Variants in PCDH7 observed in about 807,000 individuals in gnomAD.
PCDH7 encodes the protein protocadherin 7.
In PCDH7, 17 loss-of-function variants were observed where a neutral mutation model predicts 58.9. The observed-to-expected ratio is 0.29, with a 90% confidence interval of 0.20 to 0.43. PCDH7 has a LOEUF of 0.43. Among genes scored for constraint, PCDH7 ranks in the 20% least tolerant of loss-of-function variants. The pLI is 1.00. For missense variants in PCDH7, 1,274 were observed against 1,441.0 expected (o/e 0.88, Z 1.88); for synonymous variants, 664 against 616.4 (o/e 1.08, Z -1.14).
At chr4:30,834,640 G>A (rs1900571) in intron 1 of PCDH7, among the ~76,000 whole-genome samples, 39,847 of 150,702 alleles carry the variant, frequency 0.26, 5,961 homozygotes, top group African/African-American at 0.41. Context: ...GTTCATTTCA[G>A]TTTTCAACTA....
chr4:30,744,276 A>G (rs895722760), intron 1 of PCDH7, among the ~76,000 whole-genome samples: 4 of 152,146 alleles, frequency 2.6e-5, no homozygotes, highest in African/African-American at 9.6e-5. Context: ...ACAAATTTAC[A>G]TTTTTAAAAA....
chr4:31,080,431 G>C (rs1759405886), intron 3 of PCDH7, among the ~76,000 whole-genome samples: 1 of 152,044 alleles, frequency 6.6e-6, no homozygotes, highest in African/African-American at 2.4e-5. Context: ...ATTTGTACCT[G>C]TGATTACAGA....
At chr4:30,945,550 T>G (rs1475033914) in intron 2 of PCDH7, among the ~76,000 whole-genome samples, 1 of 152,104 alleles carries the variant, frequency 6.6e-6, no homozygotes, top group Non-Finnish European at 1.5e-5. Context: ...TTCTTACTAA[T>G]TTTCAAAAAA....
intron 3 of PCDH7, among the ~76,000 whole-genome samples, chr4:31,106,321 G>A (rs2109306081): frequency 6.6e-6 from 1 of 152,242 alleles, no homozygotes; most frequent in South Asian, 2.1e-4. Context: ...AAGCGATTGT[G>A]CAAAAATTTC....
intron 3 of PCDH7, among the ~76,000 whole-genome samples, chr4:31,118,372 A>T (rs1465684066): frequency 6.6e-6 from 1 of 152,128 alleles, no homozygotes; most frequent in African/African-American, 2.4e-5. Context: ...CTTCTTGTGG[A>T]ATATTAAACA....
At chr4:31,055,876 C>T (rs1166942899) in intron 3 of PCDH7, among the ~76,000 whole-genome samples, 3 of 152,106 alleles carry the variant, frequency 2.0e-5, no homozygotes, top group Non-Finnish European at 4.4e-5. Context: ...GCACCTGCAC[C>T]CAGCCATATA....
At chr4:31,066,039 G>A (rs1486239836) in intron 3 of PCDH7, among the ~76,000 whole-genome samples, 1 of 151,796 alleles carries the variant, frequency 6.6e-6, no homozygotes, top group Non-Finnish European at 1.5e-5. Flanking sequence ...TCATATATAA[G>A]TGTTCCTTCT....
At chr4:30,765,721 G>A (rs757911349) in intron 1 of PCDH7, among the ~76,000 whole-genome samples, 1 of 152,198 alleles carries the variant, frequency 6.6e-6, no homozygotes, top group Admixed American at 6.5e-5. Context: ...TATTTACTGT[G>A]TTCTCTGATG....
intron 3 of PCDH7, among the ~76,000 whole-genome samples, chr4:31,005,868 G>A (rs1752730322): frequency 6.6e-6 from 1 of 152,112 alleles, no homozygotes; most frequent in African/African-American, 2.4e-5. Context: ...TCATTTGGAT[G>A]GTGCTGATAC....
chr4:30,724,728 A>T (rs548659333), intron 1 of PCDH7, 132 bp downstream of exon 1: 27 of 1,449,712 alleles, frequency 1.9e-5, no homozygotes, highest in East Asian at 2.5e-5. Flanking sequence ...TTTAATGTTA[A>T]TTTTTGCACC....
intron 1 of PCDH7, among the ~76,000 whole-genome samples, chr4:30,882,932 T>A (rs1487201662): frequency 6.6e-6 from 1 of 152,246 alleles, no homozygotes; most frequent in Non-Finnish European, 1.5e-5. Flanking sequence ...CTTGAGACTC[T>A]TATTGACCCA....
intron 1 of PCDH7, among the ~76,000 whole-genome samples, chr4:30,771,106 A>G (rs1721344295): frequency 6.6e-6 from 1 of 152,226 alleles, no homozygotes; most frequent in Non-Finnish European, 1.5e-5. Context: ...AGTGTTCTAA[A>G]CAGGAAATAA....
intron 3 of PCDH7, among the ~76,000 whole-genome samples, chr4:31,074,654 C>CATGCTTGT (rs1373690615): frequency 1.3e-5 from 2 of 151,456 alleles, no homozygotes; most frequent in Admixed American, 1.3e-4. Context: ...CATGGTGGCA[C>CATGCTTGT]ATGCTTGTAT....
In PCDH7 at chr4:30,853,917, A is replaced by C. The variant is rs564059487; in HGVS notation, c.71-66236A>C. ...GACTAGCCTAATCAAATTTAAAAGC[A>C]AATGTAAATTTAAATCAACCATGCA... On this transcript the variant is annotated intron_variant, in intron 1 of 3. Coordinates refer to the PCDH7 transcript ENST00000509759. Among the ~76,000 whole-genome samples the C allele has an allele frequency of 2.6e-5, 4 of 152,200 alleles. No individual in the cohort carries two copies. The East Asian group carries it at 7.8e-4, about 30-fold the overall frequency.
At chr4:31,056,450 GA>G (rs1393928358) in intron 3 of PCDH7, among the ~76,000 whole-genome samples, 3 of 74,746 alleles carry the variant, frequency 4.0e-5, no homozygotes, top group East Asian at 1.3e-3. Context: ...AGGAAAGAAA[GA>G]AAGAAAGAAG....
At chr4:30,890,745 A>G (rs756378494) in intron 1 of PCDH7, among the ~76,000 whole-genome samples, 34 of 152,148 alleles carry the variant, frequency 2.2e-4, no homozygotes, top group Non-Finnish European at 4.4e-4. Context: ...GCTTCATATC[A>G]GCATTCTTTT....
At chr4:30,795,525 G>A (rs934640412) in intron 1 of PCDH7, among the ~76,000 whole-genome samples, 3 of 152,152 alleles carry the variant, frequency 2.0e-5, no homozygotes, top group Non-Finnish European at 2.9e-5. Context: ...AGTGCAAAGC[G>A]AACATTGCCT....
chr4:30,995,864 G>A (rs1489184347), intron 3 of PCDH7, among the ~76,000 whole-genome samples: 1 of 151,846 alleles, frequency 6.6e-6, no homozygotes, highest in African/African-American at 2.4e-5. Flanking sequence ...CCATCTTCTC[G>A]TGCAAGGACC....
At chr4:31,002,300 G>A (rs575728124) in intron 3 of PCDH7, among the ~76,000 whole-genome samples, 1 of 152,338 alleles carries the variant, frequency 6.6e-6, no homozygotes, top group Non-Finnish European at 1.5e-5. Context: ...CCAGCAGTGC[G>A]TGTTCACACA....
Sources: allele counts gnomAD v4.1 joint callset (sites outside exome capture counted in the v4.1 genomes callset), GRCh38; gene constraint gnomAD v4.1.1; transcripts MANE v1.5; gene names NCBI Gene and HGNC (gene_info 2026-07-23, HGNC 2026-07-21).